The following BID variants were observed in gnomAD, a reference collection of about 807,000 sequenced individuals.
The protein encoded by BID is BH3-interacting domain death agonist.
BID carries 19 observed loss-of-function variants against 17.4 expected under a neutral mutation model. The ratio of observed to expected loss-of-function variants is 1.09; its 90% CI spans 0.76 to 1.60. The LOEUF (loss-of-function observed/expected upper bound fraction) is 1.60. Ranked by LOEUF, BID falls within the 40% of genes most tolerant of loss-of-function variation. The probability of loss-of-function intolerance (pLI) is 0.00; values close to 1 mark genes in which losing one functional copy is unlikely to be tolerated. For synonymous variants in BID, 108 were observed against 102.8 expected (o/e 1.05, Z -0.31); for missense variants, 226 against 256.0 (o/e 0.88, Z 0.80).
rs1601840409 is a variant in BID, at chr22:17,742,424, G to C, written c.223+1379C>G. Among the ~76,000 whole-genome samples, 5 of 152,336 alleles carry C rather than the reference G, an allele frequency of 3.3e-5. 1 individual carries two copies. Among genetic ancestry groups the C allele is most frequent in the Admixed American group, 3.3e-4 (5 of 15,310 alleles). On this transcript the variant is annotated intron_variant, in intron 3 of 5. Transcript: ENST00000622694. ...TTTCTCCTCAGTTCAGGGCGAGCCA[G>C]AAGATATGCTGGCTGGATTAGAAGG... is the stretch of plus-strand genomic sequence containing the variant.
In BID at chr22:17,773,529, A is replaced by G. The variant is rs2061735908; in HGVS notation, c.-59+852T>C. On this transcript the variant is annotated intron_variant, in intron 1 of 5. Transcript: ENST00000622694. The surrounding 1 kb of genome is among the most constrained non-coding windows in gnomAD (Gnocchi z 4.4). ...AGGTGGAAGAGCTCTGGGTGGGTCC[A>G]TCTGCTCCTCACCTGCCCCAACCCT... is the stretch of plus-strand genomic sequence containing the variant. 1.4e-6 allele frequency: 2 copies of G among 1,475,516 alleles called. No individual in the cohort carries two copies. The highest frequency in any genetic ancestry group is 1.9e-6 in the Non-Finnish European group (2 of 1,066,436). The allele number at this position is 1,475,516 out of a possible 1,614,324, so 91.4% of individuals were successfully genotyped here.
At position 17,751,474 on chromosome 22, in the gene BID, T is replaced by TGC. The variant is rs1555904933; in HGVS notation, c.-58-1302_-58-1301dup. 1.8e-3 allele frequency among the ~76,000 whole-genome samples: 268 copies of TGC among 151,968 alleles called. 1 individual carries two copies. Among genetic ancestry groups the TGC allele is most frequent in the African/African-American group, 6.2e-3 (255 of 41,452 alleles). On this transcript the variant is annotated intron_variant, in intron 1 of 5. Transcript: ENST00000622694. Reference sequence around the variant, plus strand: ...GTATTTGCCTGTGTGTGTGTGTGTGTGCGTGTGTGTGTGTAGACACAATAT... The same window carrying TGC: ...GTATTTGCCTGTGTGTGTGTGTGTGTGCGCGTGTGTGTGTGTAGACACAATAT...
intron 2 of BID, among the ~76,000 whole-genome samples, chr22:17,745,993 A>C (rs1012197980): frequency 6.6e-6 from 1 of 151,980 alleles, no homozygotes; most frequent in Non-Finnish European, 1.5e-5. Context: ...CAACAAAAAT[A>C]AATAAATAAA....
chr22:17,774,023 G>C (rs1029555706), intron 1 of BID: 20 of 421,494 alleles, frequency 4.7e-5, no homozygotes, highest in South Asian at 3.2e-4. Flanking sequence ...TCTCCTCTCC[G>C]GGGCTGGCCT....
chr22:17,745,750 G>A (rs1480901386), intron 2 of BID, among the ~76,000 whole-genome samples: 5 of 152,140 alleles, frequency 3.3e-5, no homozygotes, highest in Admixed American at 2.6e-4. Context: ...GGCGGATCAC[G>A]AAGTCAGGAG....
At chr22:17,742,549 A>G (rs1296459564) in intron 3 of BID, among the ~76,000 whole-genome samples, 1 of 136,180 alleles carries the variant, frequency 7.3e-6, no homozygotes, top group Admixed American at 8.1e-5. Flanking sequence ...GATCTAAGAC[A>G]GGCGGGAGGC....
At chr22:17,774,516 GC>G (rs2061746273), upstream of BID, 1 of 160,382 alleles carries the variant, frequency 6.2e-6, no homozygotes, top group Non-Finnish European at 1.3e-5. Context: ...GCCCGGGCCC[GC>G]CCCGGCCCGC....
intron 3 of BID, chr22:17,740,069 C>T (rs1300341236): frequency 6.2e-7 from 1 of 1,610,364 alleles, no homozygotes; most frequent in South Asian, 1.1e-5. Context: ...CCGTGCTGCC[C>T]CTGCCCGAGT....
intron 1 of BID, among the ~76,000 whole-genome samples, chr22:17,755,159 A>ACTG (rs2061573079): frequency 7.3e-6 from 1 of 137,074 alleles, no homozygotes; most frequent in Non-Finnish European, 1.5e-5. Flanking sequence ...ATCTCAGCTC[A>ACTG]CTGCAAGCTC....
chr22:17,768,061 G>C (rs1230909865), intron 1 of BID, among the ~76,000 whole-genome samples: 1 of 152,228 alleles, frequency 6.6e-6, no homozygotes, highest in Non-Finnish European at 1.5e-5. Flanking sequence ...CCATTAGTAT[G>C]AAATGTCCTA....
At chr22:17,768,069 CTAAATGT>C (rs1366124450) in intron 1 of BID, among the ~76,000 whole-genome samples, 1 of 152,132 alleles carries the variant, frequency 6.6e-6, no homozygotes, top group African/African-American at 2.4e-5. Flanking sequence ...ATGAAATGTC[CTAAATGT>C]GCAACTCCAT....
intron 1 of BID, among the ~76,000 whole-genome samples, chr22:17,753,580 T>C (rs916003054): frequency 6.6e-6 from 1 of 152,234 alleles, no homozygotes; most frequent in Non-Finnish European, 1.5e-5. Flanking sequence ...ATGAGTCAAC[T>C]GCAGCTGTGA....
intron 4 of BID, 58 bp from the exon 5 acceptor site, chr22:17,738,287 G>C: frequency 6.6e-7 from 1 of 1,511,642 alleles, no homozygotes; most frequent in South Asian, 1.1e-5. Flanking sequence ...TCAAAGGAAA[G>C]ACAGTCCCCA....
At chr22:17,756,730 C>G (rs191337163) in intron 1 of BID, among the ~76,000 whole-genome samples, 3 of 152,118 alleles carry the variant, frequency 2.0e-5, no homozygotes, top group African/African-American at 7.2e-5. Flanking sequence ...CATGCACCAT[C>G]ATGCCCAGCT....
chr22:17,765,262 G>A (rs1436261637), intron 1 of BID, among the ~76,000 whole-genome samples: 2 of 152,134 alleles, frequency 1.3e-5, no homozygotes, highest in East Asian at 1.9e-4. Context: ...GCCCCTGTGA[G>A]GTAGGTCAGT....
At chr22:17,752,490 T>A (rs2061546922) in intron 1 of BID, among the ~76,000 whole-genome samples, 1 of 152,120 alleles carries the variant, frequency 6.6e-6, no homozygotes, top group Non-Finnish European at 1.5e-5. Context: ...AACTGGTGTG[T>A]CACATACACA....
rs1447033138 is a variant in BID, at chr22:17,769,899, T to C, written c.-59+4482A>G. Among the ~76,000 whole-genome samples the C allele has an allele frequency of 1.3e-5, 2 of 152,066 alleles. No homozygotes were observed. The highest frequency in any genetic ancestry group is 4.8e-5 in the African/African-American group (2 of 41,402). On this transcript the variant is annotated intron_variant, in intron 1 of 5. Transcript: ENST00000622694. This position sits in a 1 kb window ranked among gnomAD's most constrained non-coding sequence, Gnocchi z 4.8. ...TGGTGCCCCGCCAGGCTTGGGGGTG[T>C]GCACTTGCCCGCTGGCCTCCGGTGC...
chr22:17,773,566 A>T lies in BID; in HGVS notation c.-59+815T>A. 1 of 1,603,728 alleles carries T rather than the reference A, an allele frequency of 6.2e-7. No homozygotes were observed. The highest frequency in any genetic ancestry group is 8.5e-7 in the Non-Finnish European group (1 of 1,173,644). On this transcript the variant is annotated intron_variant, in intron 1 of 5. Transcript: ENST00000622694. This position sits in a 1 kb window ranked among gnomAD's most constrained non-coding sequence, Gnocchi z 4.4. ...CCTGCCCCAACCCTGCCTGCAGGTG[A>T]AGGCCGGTCCAGCCGCAGAAGGCCC...
rs1192729071 is a variant in BID at position 17,744,143 on chromosome 22, G to A, written c.13-130C>T. 9 of 813,656 alleles carry A rather than the reference G, an allele frequency of 1.1e-5. No individual in the cohort carries two copies. The East Asian group carries it at 1.5e-4, about 14-fold the overall frequency. 50.4% of individuals were successfully genotyped at this position (813,656 alleles called of 1,614,324 possible). ...GAGAGCTGAGGGACCCTGTGGGCTG[G>A]AGGGCCCTGCAGGAGGTCTCAACAG... On this transcript the variant is annotated intron_variant, in intron 2 of 5. Transcript: ENST00000622694.
Sources: gnomAD v4.1 joint callset for allele counts (sites outside exome capture counted in the v4.1 genomes callset) on GRCh38, gnomAD v4.1.1 for gene constraint, Gnocchi (gnomAD v3.1) non-coding constraint, MANE v1.5 for transcripts, NCBI Gene and HGNC (gene_info 2026-07-23, HGNC 2026-07-21) for gene names.